The following ADARB1 variants were observed in gnomAD, a reference collection of about 807,000 sequenced individuals.
ADARB1 encodes the protein double-stranded RNA-specific editase 1.
ADARB1 carries 10 observed loss-of-function variants against 52.4 expected under a neutral mutation model. The observed-to-expected ratio is 0.19, with a 90% CI of 0.12 to 0.32. The LOEUF is 0.32. ADARB1 is among the 10% of genes least tolerant of loss of function. ADARB1 has a pLI of 1.00. For missense variants in ADARB1, 643 were observed against 922.3 expected, an observed-to-expected ratio of 0.70 and a Z score of 3.92; for synonymous variants, 349 against 371.1, an observed-to-expected ratio of 0.94 and a Z score of 0.68.
chr21:45,219,348 A>T (rs1315069243), intron 9 of ADARB1, among the ~76,000 whole-genome samples: 3 of 152,062 alleles, frequency 2.0e-5, no homozygotes, highest in Non-Finnish European at 4.4e-5. Flanking sequence ...ACATGGTGAA[A>T]CCCCATCTCT....
intron 2 of ADARB1, among the ~76,000 whole-genome samples, chr21:45,171,209 A>C (rs2091468039): frequency 6.6e-6 from 1 of 152,214 alleles, no homozygotes; most frequent in Admixed American, 6.5e-5. Context: ...TGCAAATGCC[A>C]GTGCCTTTGT....
Position 45,208,567 on chromosome 21 carries a change from G to A in ADARB1, c.1747+3831G>A, listed in dbSNP as rs1253261277. 6.6e-6 allele frequency among the ~76,000 whole-genome samples: 1 copy of A among 152,162 alleles called. No individual in the cohort carries two copies. Among genetic ancestry groups the A allele is most frequent in the Non-Finnish European group, 1.5e-5 (1 of 68,018 alleles). On this transcript the variant is annotated intron_variant, in intron 9 of 10. Coordinates refer to ENST00000348831, the MANE Select transcript of ADARB1 (RefSeq NM_001112.4). The surrounding 1 kb of genome is among the most constrained non-coding windows in gnomAD (Gnocchi z 5.6). Reference sequence around the variant, plus strand: ...AGCTGGTTTAATGAGGCCCTGGCTGGAGTGAGAGAGAAGGAACATCACTGT... The same window carrying A: ...AGCTGGTTTAATGAGGCCCTGGCTGAAGTGAGAGAGAAGGAACATCACTGT...
At chr21:45,091,778 C>T (rs1177151347) in intron 1 of ADARB1, among the ~76,000 whole-genome samples, 2 of 152,096 alleles carry the variant, frequency 1.3e-5, no homozygotes, top group Admixed American at 6.5e-5. Context: ...TGGGGGTTTC[C>T]CTGTAGGAGG....
At position 45,223,852 on chromosome 21, in the gene ADARB1, G is replaced by A; in HGVS notation, c.*1655G>A. 1.0e-6 allele frequency: 1 copy of A among 985,428 alleles called. No individual in the cohort carries two copies. Among genetic ancestry groups the A allele is most frequent in the Non-Finnish European group, 1.2e-6 (1 of 829,962 alleles). The allele number at this position is 985,428 out of a possible 1,614,324, so 61.0% of individuals were successfully genotyped here. A position where few individuals can be genotyped will look rare whatever the true frequency, so the allele number is the denominator to read the frequency against. ...TCTCGTCGCAGCACGGCAGGAAGGG[G>A]TGCTGCTTAGGGCTCATTGTTGGGG... On this transcript the variant is annotated 3_prime_UTR_variant, in exon 11 of 11. Coordinates refer to ENST00000348831, the MANE Select transcript of ADARB1 (RefSeq NM_001112.4).
chr21:45,207,813 AC>A lies in ADARB1; in HGVS notation c.1747+3078del, dbSNP rs1229071553. The stretch of plus-strand genomic sequence containing the variant: ...TGTCTTTAGGGAGGAACAAAAATGG[AC>A]ATAAATGAATACAAAGAAAAGATTA... On this transcript the variant is annotated intron_variant, in intron 9 of 10. Coordinates refer to ENST00000348831, the MANE Select transcript of ADARB1 (RefSeq NM_001112.4). Among the ~76,000 whole-genome samples, 6 of 152,228 alleles carry A rather than the reference AC, an allele frequency of 3.9e-5. No individual in the cohort carries two copies. In the East Asian group the frequency reaches 1.2e-3, roughly 29 times the overall value.
chr21:45,134,918 C>G (rs1375667320), intron 2 of ADARB1: 2 of 470,862 alleles, frequency 4.2e-6, no homozygotes, highest in African/African-American at 4.0e-5. Context: ...CCCCTGCTGC[C>G]TGGGCAGAGC....
At chr21:45,100,673 C>T (rs568576862) in intron 1 of ADARB1, 113 of 152,478 alleles carry the variant, frequency 7.4e-4, no homozygotes, top group Non-Finnish European at 1.2e-3. Flanking sequence ...TGCTCCAAAC[C>T]AGTGCTGGTG....
Position 45,223,140 on chromosome 21 carries a change from T to G in ADARB1, c.*943T>G, listed in dbSNP as rs2092994311. 3.0e-6 allele frequency: 3 copies of G among 985,360 alleles called. No homozygotes were observed. The African/African-American group carries it at 5.2e-5, about 17-fold the overall frequency. The allele number at this position is 985,360 out of a possible 1,614,324, so 61.0% of individuals were successfully genotyped here. ...CCTCTGTTCCTTCCTCTGAATCGAA[T>G]GGATGTGGGTGACCGCCCGAAGGCC... On this transcript the variant is annotated 3_prime_UTR_variant, in exon 11 of 11. Coordinates refer to ENST00000348831, the MANE Select transcript of ADARB1 (RefSeq NM_001112.4).
At position 45,135,808 on chromosome 21, in the gene ADARB1, T is replaced by C. The variant is rs184456392; in HGVS notation, c.-48+7235T>C. On this transcript the variant is annotated intron_variant, in intron 2 of 10. Coordinates refer to ENST00000348831, the MANE Select transcript of ADARB1 (RefSeq NM_001112.4). ...TGTGGCCACAGTCAAGAGGGCCCTC[T>C]GTGGGTCCTGTGGTCCTGGACTGCA... Among the ~76,000 whole-genome samples the C allele has an allele frequency of 3.2e-3, 483 of 152,312 alleles. 4 individuals carry two copies. The highest frequency in any genetic ancestry group is 0.014 in the Middle Eastern group (4 of 294).
chr21:45,090,176 G>A (rs979869218), intron 1 of ADARB1, among the ~76,000 whole-genome samples: 2 of 152,100 alleles, frequency 1.3e-5, no homozygotes, highest in African/African-American at 4.8e-5. Context: ...AAATGATCAC[G>A]TGGTTTTCCC....
chr21:45,127,172 G>C (rs868846024), intron 1 of ADARB1, among the ~76,000 whole-genome samples: 2 of 152,112 alleles, frequency 1.3e-5, no homozygotes, highest in Non-Finnish European at 2.9e-5. Context: ...AGCTGGATTC[G>C]GACTGAGTGG....
intron 2 of ADARB1, among the ~76,000 whole-genome samples, chr21:45,153,545 C>A (rs1221271419): frequency 6.6e-6 from 1 of 152,162 alleles, no homozygotes; most frequent in Non-Finnish European, 1.5e-5. Flanking sequence ...CATGCTGTGG[C>A]AGGAGATGGC....
chr21:45,144,046 C>G (rs1330356603), intron 2 of ADARB1, among the ~76,000 whole-genome samples: 3 of 152,142 alleles, frequency 2.0e-5, no homozygotes, highest in Non-Finnish European at 4.4e-5. Context: ...AGTACTGGTA[C>G]ATAGTAGATG....
chr21:45,129,972 C>A (rs899415008), intron 2 of ADARB1, among the ~76,000 whole-genome samples: 5 of 152,156 alleles, frequency 3.3e-5, no homozygotes, highest in Non-Finnish European at 5.9e-5. Flanking sequence ...GGTACACAGG[C>A]AGTCCAAGTA....
At chr21:45,195,986 C>G (rs2092416221) in intron 8 of ADARB1, among the ~76,000 whole-genome samples, 1 of 152,180 alleles carries the variant, frequency 6.6e-6, no homozygotes, top group Non-Finnish European at 1.5e-5. Flanking sequence ...ATCTCTATGT[C>G]AAGTTGGACA....
intron 1 of ADARB1, among the ~76,000 whole-genome samples, chr21:45,113,377 C>A (rs985608744): frequency 6.6e-6 from 1 of 151,896 alleles, no homozygotes; most frequent in Non-Finnish European, 1.5e-5. Flanking sequence ...GAGCTAAGAT[C>A]GTGCCACTGT....
chr21:45,101,840 T>A (rs1479484300), intron 1 of ADARB1, among the ~76,000 whole-genome samples: 1 of 152,224 alleles, frequency 6.6e-6, no homozygotes, highest in Non-Finnish European at 1.5e-5. Context: ...GTTACAGTGG[T>A]GGACATACTT....
intron 1 of ADARB1, among the ~76,000 whole-genome samples, chr21:45,104,836 G>T (rs541288616): frequency 5.9e-5 from 9 of 152,170 alleles, no homozygotes; most frequent in Non-Finnish European, 1.2e-4. Context: ...GTTTTCTTGG[G>T]GTGCCTGCTG....
chr21:45,074,624 G>C lies in ADARB1; in HGVS notation c.-389G>C, dbSNP rs1002775463. 4.0e-5 allele frequency: 6 copies of C among 149,526 alleles called. No individual in the cohort carries two copies. Among genetic ancestry groups the C allele is most frequent in the Middle Eastern group, 3.2e-3 (1 of 314 alleles). 9.3% of individuals were successfully genotyped at this position (149,526 alleles called of 1,614,324 possible). ...GGCGGCGGCGGCGGCGGCGGCGGCA[G>C]CGGCGGCCAAGCGGCCAGGTTGGCG... On this transcript the variant is annotated 5_prime_UTR_variant, in exon 1 of 11. Transcript: ENST00000348831.
Sources: gnomAD v4.1 joint callset for allele counts (sites outside exome capture counted in the v4.1 genomes callset) on GRCh38, gnomAD v4.1.1 for gene constraint, Gnocchi (gnomAD v3.1) non-coding constraint, MANE v1.5 for transcripts, NCBI Gene and HGNC (gene_info 2026-07-23, HGNC 2026-07-21) for gene names.